The following TRPV1 variants were observed in gnomAD, a reference collection of about 807,000 sequenced individuals.
TRPV1 encodes transient receptor potential cation channel subfamily V member 1.
Under a neutral mutation model 82.3 loss-of-function variants are expected in TRPV1, and 82 were observed. The ratio of observed to expected loss-of-function variants is 1.00; its 90% CI spans 0.83 to 1.20. The LOEUF is 1.20. TRPV1 is among the 50% of genes most tolerant of loss of function. The pLI, the probability that TRPV1 is intolerant of heterozygous loss-of-function variation, is 0.00. For synonymous variants in TRPV1, 515 were observed against 467.7 expected (o/e 1.10, Z -1.30); for missense variants, 1,067 against 1,096.8 (o/e 0.97, Z 0.38).
rs1041506902 is a variant in TRPV1 at position 3,577,711 on chromosome 17, G to A, written c.1600C>T (p.Leu534Phe). The A allele has an allele frequency of 1.0e-5, 16 of 1,590,266 alleles. No homozygotes were observed. Among genetic ancestry groups the A allele is most frequent in the Non-Finnish European group, 1.4e-5 (16 of 1,168,946 alleles). The change falls in exon 12 of 17, where the codon CTC becomes TTC. Residue 534 changes from leucine to phenylalanine, a missense_variant. Transcript: ENST00000572705. ...ACCATGGAAGCCACATACTCCTTGA[G>A]GTGGCTGAAGTACAGCACCACGGTG... is the stretch of plus-strand genomic sequence containing the variant. ...LATVVLYFSH[L>F]KEYVASMVFS... is the part of the protein sequence containing the mutation.
intron 12 of TRPV1, 44 bp downstream of exon 12, chr17:3,577,554 G>T: frequency 6.5e-7 from 1 of 1,550,002 alleles, no homozygotes; most frequent in Non-Finnish European, 8.7e-7. Context: ...TGACCACGAG[G>T]TAAGCGGGCT....
chr17:3,601,518 AC>A (rs1398135851), intron 2 of TRPV1, among the ~76,000 whole-genome samples: 2 of 150,004 alleles, frequency 1.3e-5, no homozygotes. Flanking sequence ...ACCCCACTTA[AC>A]CCATCTTCAA....
chr17:3,571,705 C>G (rs2074856658), intron 15 of TRPV1, 66 bp from the exon 16 acceptor site: 1 of 1,359,784 alleles, frequency 7.4e-7, no homozygotes, highest in South Asian at 1.2e-5. Context: ...GGGCTCTGCC[C>G]ACAGGCCAAG....
At chr17:3,600,835 CCAAGGACCCCGTCCGCAGCCTTAT>C (rs1161834262) in intron 2 of TRPV1, among the ~76,000 whole-genome samples, 1 of 152,088 alleles carries the variant, frequency 6.6e-6, no homozygotes, top group African/African-American at 2.4e-5. Context: ...ACCTGGGGGT[CCAAGGACCCCGTCCGCAGCCTTAT>C]CTTCTCCAGC....
At chr17:3,604,023 C>G (rs1404046262) in intron 2 of TRPV1, among the ~76,000 whole-genome samples, 9 of 152,254 alleles carry the variant, frequency 5.9e-5, no homozygotes, top group Admixed American at 5.9e-4. Context: ...CTGTAACAGG[C>G]ACAGGCCAGG....
chr17:3,588,416 C>A (rs753208780), intron 7 of TRPV1, 49 bp from the exon 8 acceptor site: 14 of 1,534,304 alleles, frequency 9.1e-6, no homozygotes, highest in African/African-American at 5.5e-5. Context: ...CAGGCTCAGC[C>A]TCAGACAGTA....
chr17:3,567,305 G>T (rs2074779479), intron 16 of TRPV1, among the ~76,000 whole-genome samples: 1 of 149,994 alleles, frequency 6.7e-6, no homozygotes, highest in Admixed American at 6.6e-5. Context: ...GGAGGCACAG[G>T]CTGCAGTGAG....
At chr17:3,599,624 T>C (rs886921232) in intron 2 of TRPV1, among the ~76,000 whole-genome samples, 1 of 146,140 alleles carries the variant, frequency 6.8e-6, no homozygotes. Flanking sequence ...ATTTCCTTTT[T>C]TTCTTTTCTT....
At chr17:3,586,110 G>A (rs2075082429) in intron 8 of TRPV1, among the ~76,000 whole-genome samples, 184 bp from the exon 9 acceptor site, 1 of 152,262 alleles carries the variant, frequency 6.6e-6, no homozygotes, top group South Asian at 2.1e-4. Context: ...CACTGCCGCG[G>A]CTCACGGAGG....
chr17:3,600,744 G>A (rs1016289708), intron 2 of TRPV1, among the ~76,000 whole-genome samples: 5 of 152,296 alleles, frequency 3.3e-5, no homozygotes, highest in African/African-American at 7.2e-5. Flanking sequence ...GAGGCCTGCA[G>A]GGGAAGTCCC....
intron 14 of TRPV1, 59 bp from the exon 15 acceptor site, chr17:3,572,308 C>T: frequency 3.2e-6 from 5 of 1,540,932 alleles, no homozygotes; most frequent in Non-Finnish European, 2.6e-6. Flanking sequence ...CCCGGGGCCA[C>T]CCTGGCTGCC....
At chr17:3,569,868 TAA>T (rs993176058) in intron 16 of TRPV1, among the ~76,000 whole-genome samples, 1 of 148,646 alleles carries the variant, frequency 6.7e-6, no homozygotes, top group East Asian at 2.1e-4. Context: ...CCCACTTTCA[TAA>T]AGATAGAAAA....
intron 10 of TRPV1, among the ~76,000 whole-genome samples, chr17:3,580,846 G>A (rs890264574): frequency 1.3e-5 from 2 of 152,028 alleles, no homozygotes; most frequent in Non-Finnish European, 1.5e-5. Flanking sequence ...GTGAAATCCC[G>A]TCTCTACTAA....
chr17:3,571,569 C>T lies in TRPV1; in HGVS notation c.2302G>A (p.Glu768Lys). ...GIINEDPGNC[E>K]GVKRTLSFSL... ...AAGCTCAGGGTGCGCTTGACGCCCTCACAGTTGCCCGGGTCTTCGTTGATG... is the reference window on the plus strand; with the variant it reads ...AAGCTCAGGGTGCGCTTGACGCCCTTACAGTTGCCCGGGTCTTCGTTGATG... Residue 768 changes from glutamate (E) to lysine (K), a missense_variant, in exon 16 of 17, where the codon GAG becomes AAG. Glu to Lys is a moderately conservative substitution (Grantham distance 56). Coordinates refer to ENST00000572705, the MANE Select transcript of TRPV1 (RefSeq NM_080704.4). 6.2e-7 allele frequency: 1 copy of T among 1,612,434 alleles called. No individual in the cohort carries two copies. Among genetic ancestry groups the T allele is most frequent in the South Asian group, 1.1e-5 (1 of 90,488 alleles).
At position 3,577,729 on chromosome 17, in the gene TRPV1, C is replaced by G. The variant is rs200850599; in HGVS notation, c.1582G>C (p.Val528Leu). 39 of 1,592,884 alleles carry G rather than the reference C, an allele frequency of 2.4e-5. No individual in the cohort carries two copies. The highest frequency in any genetic ancestry group is 3.2e-5 in the Non-Finnish European group (38 of 1,170,290). Residue 528 changes from valine to leucine, a missense_variant, in exon 12 of 17, where the codon GTG becomes CTG. Physicochemically the swap from Val to Leu is conservative, Grantham distance 32 (BLOSUM62 1). Transcript: ENST00000572705. The stretch of plus-strand genomic sequence containing the variant: ...TCCTTGAGGTGGCTGAAGTACAGCA[C>G]CACGGTGGCCAGCATGAACAGTGAC... ...LQSLFMLATVVLYFSHLKEYV... is the reference protein window; with the variant it reads ...LQSLFMLATVLLYFSHLKEYV...
At chr17:3,580,096 C>T (rs539427806) in intron 11 of TRPV1, among the ~76,000 whole-genome samples, 4 of 145,582 alleles carry the variant, frequency 2.7e-5, no homozygotes, top group Admixed American at 7.1e-5. Context: ...GTGCCAAGGT[C>T]GCACAACCCC....
intron 3 of TRPV1, 35 bp from the exon 4 acceptor site, chr17:3,591,388 GGCC>G (rs2075155949): frequency 1.3e-6 from 2 of 1,535,536 alleles, no homozygotes; most frequent in East Asian, 4.5e-5. Flanking sequence ...CTCATACCCT[GGCC>G]TCCCCTCGGC....
Position 3,606,854 on chromosome 17 carries a change from A to G in TRPV1, c.-34+1573T>C, listed in dbSNP as rs148502608. ...GGCTGCCTGAGCTTGCTGGATGTCCATCCCGTTCCTAACCTTACATTTGCA... is the reference window on the plus strand; with the variant it reads ...GGCTGCCTGAGCTTGCTGGATGTCCGTCCCGTTCCTAACCTTACATTTGCA... On this transcript the variant is annotated intron_variant, in intron 2 of 16. Coordinates refer to ENST00000572705, the MANE Select transcript of TRPV1 (RefSeq NM_080704.4). 3.3e-5 allele frequency among the ~76,000 whole-genome samples: 5 copies of G among 152,300 alleles called. No homozygotes were observed. In the East Asian group the frequency reaches 9.6e-4, roughly 29 times the overall value.
rs537235623 is a variant in TRPV1, at chr17:3,586,129, C to T, written c.1225-203G>A. Among the ~76,000 whole-genome samples the T allele has an allele frequency of 1.0e-3, 155 of 152,348 alleles. 1 individual carries two copies. Among genetic ancestry groups the T allele is most frequent in the African/African-American group, 3.6e-3 (148 of 41,592 alleles). On this transcript the variant is annotated intron_variant, in intron 8 of 16. Transcript: ENST00000572705. ...GCCGCGGCTCACGGAGGGACCTGCC[C>T]TCTTGGCCTCAGTGTCCCCAGAGGT...
Sources: gnomAD v4.1 joint callset for allele counts (sites outside exome capture counted in the v4.1 genomes callset) on GRCh38, gnomAD v4.1.1 for gene constraint, MANE v1.5 for transcripts, NCBI Gene and HGNC (gene_info 2026-07-23, HGNC 2026-07-21) for gene names.